The following TRPM3 variants were observed in gnomAD, a reference collection of about 807,000 sequenced individuals.
The protein encoded by TRPM3 is transient receptor potential cation channel subfamily M member 3, also known as long transient receptor potential channel 3.
A neutral mutation model predicts 181.2 loss-of-function variants in TRPM3; 77 were observed. The observed-to-expected ratio is 0.42, with a 90% confidence interval of 0.35 to 0.51. TRPM3 has a LOEUF of 0.51. Ranked by LOEUF, TRPM3 falls within the 20% of genes least tolerant of loss-of-function variation. TRPM3 has a pLI of 0.01. For missense variants in TRPM3, 1,759 were observed against 2,196.7 expected (o/e 0.80, Z 3.98); for synonymous variants, 745 against 796.4 (o/e 0.94, Z 1.09).
At chr9:71,350,990 G>A (rs2091593924) in intron 1 of TRPM3, among the ~76,000 whole-genome samples, 1 of 152,132 alleles carries the variant, frequency 6.6e-6, no homozygotes, top group Non-Finnish European at 1.5e-5. Context: ...TGGAAATTAG[G>A]AATGACTAAA....
intron 1 of TRPM3, among the ~76,000 whole-genome samples, chr9:71,188,870 T>C (rs1169788468): frequency 5.3e-5 from 8 of 151,966 alleles, no homozygotes; most frequent in Non-Finnish European, 7.4e-5. Context: ...TAAGAGGATG[T>C]ATATAAAGTA....
chr9:71,026,940 A>G (rs995225604), intron 1 of TRPM3, among the ~76,000 whole-genome samples: 1 of 152,022 alleles, frequency 6.6e-6, no homozygotes, highest in African/African-American at 2.4e-5. Context: ...CACCTACAGC[A>G]CCCTGCTGCT....
chr9:71,417,281 G>T (rs1159774420), intron 1 of TRPM3, among the ~76,000 whole-genome samples: 1 of 151,946 alleles, frequency 6.6e-6, no homozygotes, highest in Non-Finnish European at 1.5e-5. Context: ...AGTTTCAATT[G>T]TTCCACATCC....
rs778037711 is a variant in TRPM3, at chr9:70,602,106, C to CGTTTTTTTT, written c.2796+1235_2796+1236insAAAAAAAAC. ...CCAGCTGGAACAAGGCAAGGCATTC[C>CGTTTTTTTT]TTTTTTTTTTTTTTTTTTAAATCCA... On this transcript the variant is annotated intron_variant, in intron 20 of 25. Coordinates refer to ENST00000677713, the MANE Select transcript of TRPM3 (RefSeq NM_001366145.2). 1.6e-5 allele frequency among the ~76,000 whole-genome samples: 2 copies of CGTTTTTTTT among 128,202 alleles called. 1 individual carries two copies. The highest frequency in any genetic ancestry group is 3.2e-5 in the Non-Finnish European group (2 of 62,448). 84.1% of individuals were successfully genotyped at this position (128,202 alleles called of 152,430 possible).
chr9:70,567,812 G>A (rs1292666454), intron 22 of TRPM3, among the ~76,000 whole-genome samples: 1 of 152,202 alleles, frequency 6.6e-6, no homozygotes, highest in African/African-American at 2.4e-5. Flanking sequence ...GACTTAGGGA[G>A]TTTATAAAAG....
intron 1 of TRPM3, among the ~76,000 whole-genome samples, chr9:71,107,428 T>C (rs1367460388): frequency 1.3e-5 from 2 of 152,196 alleles, no homozygotes; most frequent in African/African-American, 2.4e-5. Context: ...TTGGTGTTTC[T>C]ATCCCTGCTC....
intron 1 of TRPM3, among the ~76,000 whole-genome samples, chr9:71,231,337 A>C (rs2081036352): frequency 6.6e-6 from 1 of 152,192 alleles, no homozygotes; most frequent in Non-Finnish European, 1.5e-5. Context: ...AGCAAAGGGT[A>C]AAAGAGAGAG....
chr9:71,441,148 T>C (rs908006845), intron 1 of TRPM3, among the ~76,000 whole-genome samples: 3 of 152,224 alleles, frequency 2.0e-5, no homozygotes, highest in Middle Eastern at 3.2e-3. Context: ...GAGGAGCTTG[T>C]TGGTTGTTAT....
intron 12 of TRPM3, among the ~76,000 whole-genome samples, chr9:70,626,277 T>C (rs1189461943): frequency 1.3e-5 from 2 of 152,182 alleles, no homozygotes; most frequent in African/African-American, 2.4e-5. Context: ...CATAGTGAAT[T>C]CCAAAGGTCA....
In TRPM3 at chr9:70,615,582, T is replaced by C. The variant is rs568045762; in HGVS notation, c.2526+326A>G. 3.3e-5 allele frequency among the ~76,000 whole-genome samples: 5 copies of C among 152,348 alleles called. No homozygotes were observed. The South Asian group carries it at 1.0e-3, about 32-fold the overall frequency. ...CATGGATTCCCTTTCCTTCTCTGTG[T>C]GCTGAGACAGACACATCATCTGGTT... is the stretch of plus-strand genomic sequence containing the variant. On this transcript the variant is annotated intron_variant, in intron 18 of 25. Transcript: ENST00000677713.
intron 1 of TRPM3, among the ~76,000 whole-genome samples, chr9:71,219,131 A>G (rs1322655911): frequency 1.3e-5 from 2 of 151,536 alleles, no homozygotes; most frequent in Non-Finnish European, 2.9e-5. Flanking sequence ...CTGCATTTCC[A>G]TTTCTTTGCA....
intron 1 of TRPM3, among the ~76,000 whole-genome samples, chr9:71,184,642 C>T (rs1231658095): frequency 2.0e-5 from 3 of 152,092 alleles, no homozygotes; most frequent in Non-Finnish European, 4.4e-5. Context: ...TAGAACTAGC[C>T]TTTGGCAACA....
intron 1 of TRPM3, among the ~76,000 whole-genome samples, chr9:71,140,945 T>C (rs1377156475): frequency 1.3e-5 from 2 of 152,224 alleles, no homozygotes; most frequent in Non-Finnish European, 1.5e-5. Flanking sequence ...GACTCTATTA[T>C]ATTCAAATGT....
chr9:70,635,355 G>T, intron 11 of TRPM3, 94 bp from the exon 12 acceptor site: 1 of 1,036,990 alleles, frequency 9.6e-7, no homozygotes, highest in Non-Finnish European at 1.5e-6. Context: ...GCTGGCTGGT[G>T]GAGGGCAGTT....
intron 1 of TRPM3, among the ~76,000 whole-genome samples, chr9:71,137,135 G>A (rs1419840266): frequency 6.6e-5 from 10 of 151,982 alleles, no homozygotes; most frequent in Admixed American, 3.3e-4. Context: ...ACACTCCAAG[G>A]GTGTGCTTAA....
At chr9:71,382,723 T>C (rs2092832601) in intron 1 of TRPM3, among the ~76,000 whole-genome samples, 1 of 152,020 alleles carries the variant, frequency 6.6e-6, no homozygotes, top group South Asian at 2.1e-4. Flanking sequence ...ATATAGTTTT[T>C]AATGTCCCTT....
At chr9:70,844,535 T>C (rs1005072307) in intron 4 of TRPM3, among the ~76,000 whole-genome samples, 60 of 152,352 alleles carry the variant, frequency 3.9e-4, no homozygotes, top group African/African-American at 1.4e-3. Flanking sequence ...TTGTTTCCAA[T>C]TGTTTCCAAT....
chr9:70,686,716 T>G (rs2066970995), intron 8 of TRPM3, among the ~76,000 whole-genome samples: 1 of 134,532 alleles, frequency 7.4e-6, no homozygotes. Flanking sequence ...CTTCCTTCCT[T>G]CCTTCCTTCC....
At chr9:71,166,641 G>A (rs1262529240) in intron 1 of TRPM3, among the ~76,000 whole-genome samples, 2 of 152,156 alleles carry the variant, frequency 1.3e-5, no homozygotes, top group East Asian at 3.9e-4. Context: ...AGCTGTGACT[G>A]AAGAAATAAA....
Sources: gnomAD v4.1 joint callset for allele counts (sites outside exome capture counted in the v4.1 genomes callset) on GRCh38, gnomAD v4.1.1 for gene constraint, MANE v1.5 for transcripts, NCBI Gene and HGNC (gene_info 2026-07-23, HGNC 2026-07-21) for gene names.